Variants in VDAC1 observed in about 807,000 individuals in gnomAD.
VDAC1 encodes voltage dependent anion channel 1.
A neutral mutation model predicts 34.7 loss-of-function variants in VDAC1; 10 were observed. The observed-to-expected ratio is 0.29, with a 90% CI of 0.18 to 0.49. The LOEUF is 0.49. Ranked by LOEUF, VDAC1 falls within the 20% of genes least tolerant of loss-of-function variation. VDAC1 has a pLI of 0.99. For missense variants in VDAC1, 230 were observed against 347.9 expected (o/e 0.66, Z 2.69); for synonymous variants, 130 against 136.0 (o/e 0.96, Z 0.30).
At chr5:134,105,712 G>A in the VDAC1 span, among the ~76,000 whole-genome samples, 1 of 152,236 alleles carries the variant, frequency 6.6e-6, no homozygotes, top group African/African-American at 2.4e-5. Context: ...AGCTGCATGG[G>A]GACCCGGGTC....
the VDAC1 span, among the ~76,000 whole-genome samples, chr5:134,105,867 T>C: frequency 6.6e-6 from 1 of 152,256 alleles, no homozygotes; most frequent in Non-Finnish European, 1.5e-5. Context: ...TAGGACCCCA[T>C]GATGGAGCTT....
the VDAC1 span, among the ~76,000 whole-genome samples, chr5:134,013,453 A>C: frequency 1.2e-3 from 179 of 152,274 alleles, no homozygotes; most frequent in African/African-American, 4.2e-3. Flanking sequence ...ACAAACAAAC[A>C]AACAAAATTG....
At chr5:134,034,494 G>C in the VDAC1 span, among the ~76,000 whole-genome samples, 16 of 152,152 alleles carry the variant, frequency 1.1e-4, no homozygotes, top group Admixed American at 1.0e-3. Context: ...CAAGCGACGC[G>C]TCCACTAGCC....
chr5:134,112,787 G>GAAAAC, the VDAC1 span, among the ~76,000 whole-genome samples: 11 of 152,154 alleles, frequency 7.2e-5, no homozygotes, highest in African/African-American at 1.9e-4. Flanking sequence ...ACCTTATTGA[G>GAAAAC]AAAACAAAAC....
chr5:134,015,663 G>C, the VDAC1 span, among the ~76,000 whole-genome samples: 19 of 147,566 alleles, frequency 1.3e-4, 1 homozygote, highest in Admixed American at 1.2e-3. Flanking sequence ...TTTATTTTTT[G>C]AGACGGAGTC....
the VDAC1 span, among the ~76,000 whole-genome samples, chr5:134,016,390 C>G: frequency 6.6e-6 from 1 of 152,144 alleles, no homozygotes; most frequent in Admixed American, 6.5e-5. Context: ...AGGGCTTCCC[C>G]CTTTGCTCAG....
chr5:134,054,574 C>T, the VDAC1 span, among the ~76,000 whole-genome samples: 1 of 151,824 alleles, frequency 6.6e-6, no homozygotes, highest in East Asian at 1.9e-4. Context: ...AATTCTCCCC[C>T]TCAGCCTCCG....
upstream of VDAC1, chr5:134,005,641 C>G (rs1293837722): frequency 6.6e-6 from 1 of 152,210 alleles, no homozygotes; most frequent in Non-Finnish European, 1.5e-5. Context: ...GAGGGCACCC[C>G]GGGTAACCCC....
chr5:134,063,410 G>C, the VDAC1 span, among the ~76,000 whole-genome samples: 1 of 152,118 alleles, frequency 6.6e-6, no homozygotes, highest in Non-Finnish European at 1.5e-5. Flanking sequence ...CTCTATCCCT[G>C]TATCCTTACC....
At chr5:134,053,741 T>C in the VDAC1 span, among the ~76,000 whole-genome samples, 3 of 152,230 alleles carry the variant, frequency 2.0e-5, no homozygotes, top group Non-Finnish European at 4.4e-5. Flanking sequence ...AGCCCACCCA[T>C]ACGGCAGTCA....
At chr5:134,094,305 C>A in the VDAC1 span, among the ~76,000 whole-genome samples, 1 of 152,346 alleles carries the variant, frequency 6.6e-6, no homozygotes, top group South Asian at 2.1e-4. Flanking sequence ...ATCTGCCCTG[C>A]CTTGTCTGTC....
At chr5:134,104,862 C>T in the VDAC1 span, among the ~76,000 whole-genome samples, 2 of 152,212 alleles carry the variant, frequency 1.3e-5, no homozygotes, top group Non-Finnish European at 2.9e-5. Flanking sequence ...CGGATGCACT[C>T]GGAGGAGCTG....
At chr5:134,105,810 C>A in the VDAC1 span, among the ~76,000 whole-genome samples, 3 of 152,250 alleles carry the variant, frequency 2.0e-5, no homozygotes, top group African/African-American at 7.2e-5. Flanking sequence ...CACAGCCAAC[C>A]CCTCATCTGA....
the VDAC1 span, among the ~76,000 whole-genome samples, chr5:134,013,059 G>A: frequency 6.6e-6 from 1 of 152,114 alleles, no homozygotes; most frequent in Non-Finnish European, 1.5e-5. Context: ...AATGAAACTG[G>A]ACCCCTGCCT....
chr5:134,080,361 GC>G, the VDAC1 span, among the ~76,000 whole-genome samples: 3 of 152,240 alleles, frequency 2.0e-5, no homozygotes, highest in African/African-American at 7.2e-5. Context: ...CTCACTCTGG[GC>G]CAGAAAAGCT....
intron 5 of VDAC1, among the ~76,000 whole-genome samples, chr5:133,986,519 C>G (rs754996208): frequency 2.0e-5 from 3 of 152,056 alleles, no homozygotes; most frequent in Non-Finnish European, 4.4e-5. Flanking sequence ...GCCTCAGCCT[C>G]CTGAGTAGCT....
chr5:134,033,789 G>A, the VDAC1 span, among the ~76,000 whole-genome samples: 2 of 151,720 alleles, frequency 1.3e-5, no homozygotes, highest in South Asian at 2.1e-4. Context: ...TCAGCAGATC[G>A]AGACCATCCT....
chr5:134,026,788 C>T, the VDAC1 span, among the ~76,000 whole-genome samples: 3 of 152,222 alleles, frequency 2.0e-5, no homozygotes, highest in Admixed American at 1.3e-4. Flanking sequence ...CCCGTCACCC[C>T]AAGCCTGCAT....
intron 1 of VDAC1, among the ~76,000 whole-genome samples, chr5:133,993,607 T>C (rs755244783): frequency 6.6e-6 from 1 of 152,210 alleles, no homozygotes; most frequent in Non-Finnish European, 1.5e-5. Flanking sequence ...TCATAGAGAA[T>C]ACAGTAAAAC....
Sources: gnomAD v4.1 joint callset for allele counts (sites outside exome capture counted in the v4.1 genomes callset) on GRCh38, gnomAD v4.1.1 for gene constraint, MANE v1.5 for transcripts, NCBI Gene and HGNC (gene_info 2026-07-23, HGNC 2026-07-21) for gene names.